Variants in RNF144A observed in about 807,000 individuals in gnomAD.
RNF144A encodes E3 ubiquitin-protein ligase RNF144A.
Under a neutral mutation model 38.7 loss-of-function variants are expected in RNF144A, and 11 were observed. The ratio of observed to expected loss-of-function variants is 0.28; its 90% CI spans 0.18 to 0.47. The LOEUF is 0.47. Ranked by LOEUF, RNF144A falls within the 20% of genes least tolerant of loss-of-function variation. RNF144A has a pLI of 0.99. For missense variants in RNF144A, 316 were observed against 377.2 expected (o/e 0.84, Z 1.34); for synonymous variants, 149 against 143.9 (o/e 1.04, Z -0.25).
At chr2:6,965,059 G>T (rs887996136) in intron 2 of RNF144A, among the ~76,000 whole-genome samples, 9 of 152,194 alleles carry the variant, frequency 5.9e-5, no homozygotes, top group Non-Finnish European at 1.0e-4. Context: ...TCTGCACACA[G>T]AGGAGTTCTG....
intron 3 of RNF144A, among the ~76,000 whole-genome samples, chr2:7,004,873 G>A (rs1461327231): frequency 5.3e-5 from 8 of 152,120 alleles, no homozygotes; most frequent in Admixed American, 5.2e-4. Flanking sequence ...GTTTTCTTAT[G>A]TTCTGCTTTT....
chr2:6,929,103 CAG>C (rs1183331147), intron 1 of RNF144A, among the ~76,000 whole-genome samples: 4 of 152,028 alleles, frequency 2.6e-5, no homozygotes, highest in Admixed American at 1.3e-4. Flanking sequence ...AAAAAAATAA[CAG>C]AATTGATGTT....
At chr2:6,952,614 TA>T (rs894829536) in intron 2 of RNF144A, among the ~76,000 whole-genome samples, 2 of 150,130 alleles carry the variant, frequency 1.3e-5, no homozygotes, top group Non-Finnish European at 3.0e-5. Context: ...ATGTTATATA[TA>T]AAAAAGTATG....
In RNF144A at chr2:6,962,904, G is replaced by A. The variant is rs1228411273; in HGVS notation, c.-12+21757G>A. Among the ~76,000 whole-genome samples the A allele has an allele frequency of 6.6e-6, 1 of 152,172 alleles. No homozygotes were observed. Among genetic ancestry groups the A allele is most frequent in the Non-Finnish European group, 1.5e-5 (1 of 68,036 alleles). ...TTGAATTTGTGGTGGTCTTTGAACTGTGATTGATCGTTGAAGGGAGATGAC... is the reference window on the plus strand; with the variant it reads ...TTGAATTTGTGGTGGTCTTTGAACTATGATTGATCGTTGAAGGGAGATGAC... On this transcript the variant is annotated intron_variant, in intron 2 of 8. Coordinates refer to ENST00000320892, the MANE Select transcript of RNF144A (RefSeq NM_014746.6). The surrounding 1 kb of genome is among the most constrained non-coding windows in gnomAD (Gnocchi z 4.1).
intron 6 of RNF144A, among the ~76,000 whole-genome samples, chr2:7,064,431 G>C (rs1423793253): frequency 5.9e-5 from 9 of 152,184 alleles, no homozygotes; most frequent in Non-Finnish European, 1.5e-5. Context: ...ATAAGCAGGG[G>C]ATATCTTGGA....
At position 6,943,894 on chromosome 2, in the gene RNF144A, C is replaced by G. The variant is rs1381030170; in HGVS notation, c.-12+2747C>G. Among the ~76,000 whole-genome samples the G allele has an allele frequency of 6.6e-6, 1 of 152,156 alleles. No individual in the cohort carries two copies. The highest frequency in any genetic ancestry group is 1.5e-5 in the Non-Finnish European group (1 of 68,038). ...AGAGATGGAGGTGCAGAGCGGTCACCTGAAGCATTCACAGCCCACTCGAAG... is the reference window on the plus strand; with the variant it reads ...AGAGATGGAGGTGCAGAGCGGTCACGTGAAGCATTCACAGCCCACTCGAAG... On this transcript the variant is annotated intron_variant, in intron 2 of 8. Coordinates refer to ENST00000320892, the MANE Select transcript of RNF144A (RefSeq NM_014746.6). This position sits in a 1 kb window ranked among gnomAD's most constrained non-coding sequence, Gnocchi z 4.3.
intron 2 of RNF144A, among the ~76,000 whole-genome samples, chr2:6,982,001 C>T (rs1449583804): frequency 6.6e-5 from 10 of 152,094 alleles, no homozygotes; most frequent in Non-Finnish European, 1.3e-4. Context: ...AGAGAGAGAG[C>T]GCACAGGGGA....
At chr2:7,067,005 A>C (rs1327207117) in intron 6 of RNF144A, among the ~76,000 whole-genome samples, 1 of 152,220 alleles carries the variant, frequency 6.6e-6, no homozygotes, top group East Asian at 1.9e-4. Context: ...GTTTATATAA[A>C]TAATCAGGCC....
chr2:6,926,248 T>C (rs902369864), intron 1 of RNF144A, among the ~76,000 whole-genome samples: 19 of 152,294 alleles, frequency 1.2e-4, no homozygotes, highest in African/African-American at 4.6e-4. Context: ...CTGTCCGTTT[T>C]TGTCAAGAAG....
chr2:7,058,686 A>G (rs10173029), intron 6 of RNF144A, among the ~76,000 whole-genome samples: 19,712 of 152,184 alleles, frequency 0.13, 1,318 homozygotes, highest in African/African-American at 0.14. Flanking sequence ...AATCTCCTCT[A>G]TTATGTCAGA....
intron 7 of RNF144A, among the ~76,000 whole-genome samples, chr2:7,025,521 A>G (rs1248831425): frequency 6.6e-6 from 1 of 152,056 alleles, no homozygotes; most frequent in African/African-American, 2.4e-5. Context: ...TAAAAATACA[A>G]ATTATCCAGT....
At chr2:6,993,236 G>A (rs1478003978) in intron 2 of RNF144A, among the ~76,000 whole-genome samples, 11 of 152,192 alleles carry the variant, frequency 7.2e-5, no homozygotes, top group Admixed American at 6.5e-4. Flanking sequence ...GAATAGTGAT[G>A]TGATTCCTGG....
intron 8 of RNF144A, among the ~76,000 whole-genome samples, chr2:7,036,010 C>G (rs1203485780): frequency 6.6e-6 from 1 of 152,210 alleles, no homozygotes; most frequent in Non-Finnish European, 1.5e-5. Context: ...TGCAAGACCG[C>G]ACGGTGGGCA....
At chr2:7,021,346 C>A (rs1671517722) in intron 6 of RNF144A, among the ~76,000 whole-genome samples, 1 of 152,142 alleles carries the variant, frequency 6.6e-6, no homozygotes, top group Non-Finnish European at 1.5e-5. Context: ...CTACCCACCA[C>A]CCTCCCCAGG....
intron 1 of RNF144A, among the ~76,000 whole-genome samples, chr2:6,925,299 A>G (rs865840421): frequency 1.8e-4 from 27 of 152,172 alleles, no homozygotes; most frequent in Non-Finnish European, 2.8e-4. Context: ...TCAGTGAAGC[A>G]CTATCCAAGG....
intron 1 of RNF144A, among the ~76,000 whole-genome samples, chr2:6,929,356 T>C (rs1206411436): frequency 6.6e-6 from 1 of 152,152 alleles, no homozygotes; most frequent in Non-Finnish European, 1.5e-5. Flanking sequence ...GTTTGACATT[T>C]ATTTGTTGCA....
intron 2 of RNF144A, among the ~76,000 whole-genome samples, chr2:6,972,231 A>G (rs918406607): frequency 9.2e-5 from 14 of 152,168 alleles, no homozygotes; most frequent in South Asian, 8.3e-4. Context: ...AATTGTGGGC[A>G]CACACTCAGT....
intron 6 of RNF144A, among the ~76,000 whole-genome samples, chr2:7,053,991 A>C (rs1673626796): frequency 6.6e-6 from 1 of 152,226 alleles, no homozygotes; most frequent in African/African-American, 2.4e-5. Context: ...GACAGACAGG[A>C]GCCAGTGCAC....
intron 8 of RNF144A, among the ~76,000 whole-genome samples, chr2:7,032,662 A>G (rs1672400999): frequency 6.6e-6 from 1 of 152,216 alleles, no homozygotes; most frequent in South Asian, 2.1e-4. Context: ...CTCGTCTTCC[A>G]TCATTGTCCA....
Sources: allele counts gnomAD v4.1 joint callset (sites outside exome capture counted in the v4.1 genomes callset), GRCh38; gene constraint gnomAD v4.1.1; non-coding constraint Gnocchi (gnomAD v3.1); transcripts MANE v1.5; gene names NCBI Gene and HGNC (gene_info 2026-07-23, HGNC 2026-07-21).